RBKS: variants seen among roughly 807,000 people sequenced by gnomAD.
The protein encoded by RBKS is ribokinase.
A neutral mutation model predicts 33.9 loss-of-function variants in RBKS; 33 were observed. The ratio of observed to expected loss-of-function variants is 0.97; its 90% CI spans 0.74 to 1.30. The LOEUF is 1.30. RBKS is among the 50% of genes most tolerant of loss of function. RBKS has a pLI of 0.00. For synonymous variants in RBKS, 125 were observed against 143.0 expected, an observed-to-expected ratio of 0.87 and a Z score of 0.90; for missense variants, 361 against 392.6, an observed-to-expected ratio of 0.92 and a Z score of 0.68.
chr2:27,820,760 T>C (rs1351205426), intron 7 of RBKS, among the ~76,000 whole-genome samples: 1 of 152,020 alleles, frequency 6.6e-6, no homozygotes, highest in Non-Finnish European at 1.5e-5. Flanking sequence ...ATTAGTACTG[T>C]CAGCTGGGCA....
At chr2:27,852,145 GC>G (rs922185316) in intron 2 of RBKS, among the ~76,000 whole-genome samples, 7 of 152,154 alleles carry the variant, frequency 4.6e-5, no homozygotes, top group African/African-American at 1.7e-4. Context: ...GCTCAGTTCC[GC>G]CCTGAATATT....
At chr2:27,797,295 A>C (rs933370290) in intron 7 of RBKS, among the ~76,000 whole-genome samples, 3 of 152,230 alleles carry the variant, frequency 2.0e-5, no homozygotes, top group African/African-American at 7.2e-5. Flanking sequence ...GGCCACGGCC[A>C]GCTCACCAAG....
At chr2:27,857,994 T>G (rs76263646) in intron 2 of RBKS, among the ~76,000 whole-genome samples, 6,994 of 152,274 alleles carry the variant, frequency 0.046, 330 homozygotes, top group South Asian at 0.26. Flanking sequence ...ATAAAAAAAT[T>G]GTGGTATATC....
At chr2:27,825,735 C>G (rs1182458791) in intron 7 of RBKS, among the ~76,000 whole-genome samples, 2 of 152,202 alleles carry the variant, frequency 1.3e-5, no homozygotes, top group African/African-American at 4.8e-5. Context: ...CACTGTTCAG[C>G]CTCTGCATTC....
Position 27,781,707 on chromosome 2 carries a change from T to C in RBKS, c.877A>G (p.Arg293Gly), listed in dbSNP as rs966249462. The change falls in exon 8 of 8, where the codon AGA (arginine) becomes GGA (glycine). Residue 293 changes from arginine to glycine, a missense_variant. Coordinates refer to ENST00000302188, the MANE Select transcript of RBKS (RefSeq NM_022128.3). ...CTGACTGCTGCAATGAAATTGGATC[T>C]GTTGAGCATGTCTTCCAAGGACAGA... is the stretch of plus-strand genomic sequence containing the variant. The part of the protein sequence containing the change: ...PNLSLEDMLN[R>G]SNFIAAVSVQ... 1 of 1,614,154 alleles carries C rather than the reference T, an allele frequency of 6.2e-7. No homozygotes were observed. Among genetic ancestry groups the C allele is most frequent in the Non-Finnish European group, 8.5e-7 (1 of 1,180,024 alleles).
intron 7 of RBKS, among the ~76,000 whole-genome samples, chr2:27,788,157 C>T (rs1418484710): frequency 1.3e-5 from 2 of 152,162 alleles, no homozygotes; most frequent in East Asian, 1.9e-4. Flanking sequence ...TGAATGCTTC[C>T]TCCCTAATAT....
At chr2:27,820,553 C>A (rs1280387051) in intron 7 of RBKS, among the ~76,000 whole-genome samples, 1 of 63,214 alleles carries the variant, frequency 1.6e-5, no homozygotes, top group Non-Finnish European at 2.7e-5. Flanking sequence ...TTACTATTCT[C>A]TCTCTCTCTC....
intron 1 of RBKS, among the ~76,000 whole-genome samples, chr2:27,874,371 C>T (rs4233721): frequency 0.99 from 151,206 of 152,334 alleles, 75,050 homozygotes; most frequent in East Asian, 1. Flanking sequence ...TAGCTTACAG[C>T]TTAGTTTTAA....
intron 1 of RBKS, among the ~76,000 whole-genome samples, chr2:27,886,733 A>G (rs984207409): frequency 6.6e-6 from 1 of 151,986 alleles, no homozygotes; most frequent in Admixed American, 6.5e-5. Flanking sequence ...TAGAAAATAT[A>G]TATTTAAAAA....
At chr2:27,878,589 C>A (rs1418619316) in intron 1 of RBKS, among the ~76,000 whole-genome samples, 1 of 151,924 alleles carries the variant, frequency 6.6e-6, no homozygotes, top group East Asian at 1.9e-4. Context: ...AGTTCTAGAT[C>A]CCTGAGGAAT....
intron 1 of RBKS, among the ~76,000 whole-genome samples, chr2:27,876,595 A>G (rs1664320143): frequency 6.6e-6 from 1 of 152,150 alleles, no homozygotes; most frequent in African/African-American, 2.4e-5. Flanking sequence ...CCACTTATAT[A>G]ATGTACCTAA....
At position 27,795,082 on chromosome 2, in the gene RBKS, T is replaced by C. The variant is rs1677640758; in HGVS notation, c.796-13294A>G. Among the ~76,000 whole-genome samples, 1 of 152,176 alleles carries C rather than the reference T, an allele frequency of 6.6e-6. No individual in the cohort carries two copies. The highest frequency in any genetic ancestry group is 2.4e-5 in the African/African-American group (1 of 41,426). On this transcript the variant is annotated intron_variant, in intron 7 of 7. Transcript: ENST00000302188. This position sits in a 1 kb window ranked among gnomAD's most constrained non-coding sequence, Gnocchi z 4.1. ...CAACCAAGAACCATGACAGAGGCAATCTCCATGTGTTAAACTCTTACGAGA... is the reference window on the plus strand; with the variant it reads ...CAACCAAGAACCATGACAGAGGCAACCTCCATGTGTTAAACTCTTACGAGA...
intron 2 of RBKS, among the ~76,000 whole-genome samples, chr2:27,857,891 C>T (rs978433885): frequency 6.6e-6 from 1 of 152,126 alleles, no homozygotes; most frequent in Non-Finnish European, 1.5e-5. Context: ...AGCAGGTACT[C>T]AAGTAGATGT....
intron 7 of RBKS, among the ~76,000 whole-genome samples, chr2:27,823,586 C>T (rs1266085682): frequency 2.0e-5 from 3 of 152,170 alleles, no homozygotes; most frequent in South Asian, 2.1e-4. Context: ...GCTCCTCACT[C>T]GCCACGTGAA....
intron 7 of RBKS, among the ~76,000 whole-genome samples, chr2:27,794,746 C>T (rs1020774327): frequency 1.4e-4 from 21 of 151,916 alleles, no homozygotes; most frequent in African/African-American, 5.1e-4. Flanking sequence ...GCCTCAGCCT[C>T]CCAAGTAGCT....
At chr2:27,861,638 G>A (rs79622107) in intron 1 of RBKS, 1 of 452,502 alleles carries the variant, frequency 2.2e-6, no homozygotes, top group East Asian at 8.2e-5. Context: ...ACGGAATAAG[G>A]AGATTAGTAT....
At chr2:27,815,213 C>T (rs4464229) in intron 7 of RBKS, among the ~76,000 whole-genome samples, 40,564 of 151,174 alleles carry the variant, frequency 0.27, 6,352 homozygotes, top group East Asian at 0.63. Flanking sequence ...GGTTTTTTTT[C>T]CCCCCTCTTT....
rs1663553046 is a variant in RBKS, at chr2:27,843,250, T to C, written c.350-19A>G. On this transcript the variant is annotated intron_variant, in intron 4 of 7. Transcript: ENST00000302188. The stretch of plus-strand genomic sequence containing the variant: ...TTCTGGCCTATAAAGAAATTCCACC[T>C]ATTATATTAAAACTAAACAAAGCCA... The C allele has an allele frequency of 6.3e-7, 1 of 1,584,918 alleles. No homozygotes were observed. Among genetic ancestry groups the C allele is most frequent in the African/African-American group, 1.4e-5 (1 of 73,928 alleles).
At chr2:27,844,560 T>G (rs1558548483) in intron 4 of RBKS, among the ~76,000 whole-genome samples, 1 of 150,868 alleles carries the variant, frequency 6.6e-6, no homozygotes, top group African/African-American at 2.4e-5. Flanking sequence ...GCCTGGCTAA[T>G]TTTTTTTTGC....
Sources: gnomAD v4.1 joint callset for allele counts (sites outside exome capture counted in the v4.1 genomes callset) on GRCh38, gnomAD v4.1.1 for gene constraint, Gnocchi (gnomAD v3.1) non-coding constraint, MANE v1.5 for transcripts, NCBI Gene and HGNC (gene_info 2026-07-23, HGNC 2026-07-21) for gene names.